NAALADL2: variants seen among roughly 807,000 people sequenced by gnomAD.
NAALADL2 encodes the protein inactive N-acetylated-alpha-linked acidic dipeptidase-like protein 2.
Under a neutral mutation model 87.2 loss-of-function variants are expected in NAALADL2, and 76 were observed. The observed-to-expected ratio is 0.87, with a 90% CI of 0.72 to 1.05. NAALADL2 has a LOEUF of 1.05. Ranked by LOEUF, NAALADL2 falls within the 50% of genes least tolerant of loss-of-function variation. The probability of loss-of-function intolerance (pLI) is 0.00; values close to 1 mark genes in which losing one functional copy is unlikely to be tolerated. For synonymous variants in NAALADL2, 354 were observed against 331.0 expected (o/e 1.07, Z -0.75); for missense variants, 1,089 against 945.8 (o/e 1.15, Z -1.99).
At chr3:175,161,321 C>G (rs1159676691) in intron 2 of NAALADL2, among the ~76,000 whole-genome samples, 2 of 147,366 alleles carry the variant, frequency 1.4e-5, no homozygotes, top group South Asian at 4.4e-4. Context: ...GACTGCAAAA[C>G]AGAAAAAAAA....
intron 4 of NAALADL2, among the ~76,000 whole-genome samples, chr3:175,316,551 C>T (rs1295168826): frequency 6.6e-6 from 1 of 152,102 alleles, no homozygotes; most frequent in Non-Finnish European, 1.5e-5. Context: ...ATTAGACCCC[C>T]ATGTAGTCAT....
At chr3:174,943,105 A>G (rs1029588807) in intron 1 of NAALADL2, among the ~76,000 whole-genome samples, 2 of 152,134 alleles carry the variant, frequency 1.3e-5, no homozygotes, top group Non-Finnish European at 2.9e-5. Flanking sequence ...GACATAGGAC[A>G]CTCAGGTTAT....
At chr3:174,833,619 T>C (rs780177024) in intron 3 of NAALADL2, among the ~76,000 whole-genome samples, 3 of 152,114 alleles carry the variant, frequency 2.0e-5, no homozygotes, top group African/African-American at 4.8e-5. Flanking sequence ...AAAACTATAC[T>C]TTTATGTATA....
intron 13 of NAALADL2, among the ~76,000 whole-genome samples, chr3:175,783,071 G>C (rs2150222904): frequency 1.3e-5 from 2 of 150,652 alleles, no homozygotes; most frequent in South Asian, 2.1e-4. Context: ...CTATATCTCT[G>C]TTTTGGTACC....
chr3:174,456,128 AAATACTTAGG>A (rs1284143683), intron 1 of NAALADL2, among the ~76,000 whole-genome samples: 13 of 152,272 alleles, frequency 8.5e-5, no homozygotes, highest in Non-Finnish European at 1.5e-5. Context: ...AAAAAGAATA[AAATACTTAGG>A]AATACAGCTA....
intron 13 of NAALADL2, among the ~76,000 whole-genome samples, chr3:175,783,744 A>ATAGGAG (rs1306760762): frequency 6.6e-6 from 1 of 151,054 alleles, no homozygotes; most frequent in Non-Finnish European, 1.5e-5. Flanking sequence ...ACTATGTTGA[A>ATAGGAG]TAGGAGTGGT....
intron 1 of NAALADL2, among the ~76,000 whole-genome samples, chr3:175,088,207 G>A (rs1282076618): frequency 6.6e-6 from 1 of 152,168 alleles, no homozygotes; most frequent in Non-Finnish European, 1.5e-5. Context: ...CTAACAGTGT[G>A]TAAGCTGAAT....
intron 5 of NAALADL2, among the ~76,000 whole-genome samples, chr3:175,416,368 G>A (rs940100979): frequency 2.6e-4 from 39 of 152,054 alleles, no homozygotes; most frequent in African/African-American, 9.4e-4. Flanking sequence ...ATTGGATATA[G>A]CAAAATTAGT....
chr3:174,731,292 A>C (rs975514012), intron 2 of NAALADL2, among the ~76,000 whole-genome samples: 2 of 152,076 alleles, frequency 1.3e-5, no homozygotes, highest in African/African-American at 4.8e-5. Flanking sequence ...CTTCTCTGCT[A>C]TATTGCTTTG....
intron 1 of NAALADL2, among the ~76,000 whole-genome samples, chr3:174,879,241 C>T (rs190189173): frequency 6.6e-6 from 1 of 152,160 alleles, no homozygotes; most frequent in African/African-American, 2.4e-5. Context: ...AACACCTTGA[C>T]TACAGACCAC....
At chr3:175,769,974 G>T (rs1323858617) in intron 13 of NAALADL2, among the ~76,000 whole-genome samples, 3 of 135,096 alleles carry the variant, frequency 2.2e-5, no homozygotes, top group Non-Finnish European at 3.1e-5. Context: ...CTTGTTCAGG[G>T]TGCCTCATGT....
At chr3:174,729,020 G>A (rs1332836394) in intron 2 of NAALADL2, among the ~76,000 whole-genome samples, 3 of 152,036 alleles carry the variant, frequency 2.0e-5, no homozygotes, top group African/African-American at 7.2e-5. Context: ...TAAAGGAAGA[G>A]CCAGGCTTCC....
At chr3:174,605,218 C>A (rs377369467) in intron 2 of NAALADL2, among the ~76,000 whole-genome samples, 1 of 152,334 alleles carries the variant, frequency 6.6e-6, no homozygotes, top group East Asian at 1.9e-4. Context: ...CTCTGGTCTA[C>A]AGCTCCCAGC....
intron 5 of NAALADL2, among the ~76,000 whole-genome samples, chr3:175,398,344 CTTTTTTT>C (rs776575751): frequency 0.063 from 7,009 of 112,010 alleles, 217 homozygotes; most frequent in Non-Finnish European, 0.081. Flanking sequence ...GCTTCTGCTA[CTTTTTTT>C]TTTTTTTTTT....
At chr3:174,557,714 T>A (rs910024319) in intron 2 of NAALADL2, among the ~76,000 whole-genome samples, 2 of 152,138 alleles carry the variant, frequency 1.3e-5, no homozygotes, top group African/African-American at 4.8e-5. Flanking sequence ...TTTTTTGTTC[T>A]TCTTTAAATG....
chr3:174,821,390 C>A (rs868504738), intron 3 of NAALADL2, among the ~76,000 whole-genome samples: 19 of 152,246 alleles, frequency 1.2e-4, no homozygotes, highest in Middle Eastern at 3.4e-3. Flanking sequence ...AGTAGATGAT[C>A]TGGTAACATT....
At position 174,673,855 on chromosome 3, in the gene NAALADL2, C is replaced by T. The variant is rs1726794679; in HGVS notation, c.-114-63786C>T. On this transcript the variant is annotated intron_variant, in intron 2 of 3. Coordinates refer to the NAALADL2 transcript ENST00000434257. ...ATAAATCCTCAAAGTGATGGATATGCTAAATACCCTTATTTGATCATTACA... is the reference window on the plus strand; with the variant it reads ...ATAAATCCTCAAAGTGATGGATATGTTAAATACCCTTATTTGATCATTACA... Among the ~76,000 whole-genome samples the T allele has an allele frequency of 3.3e-5, 5 of 152,034 alleles. No homozygotes were observed. The South Asian group carries it at 1.0e-3, about 32-fold the overall frequency.
intron 2 of NAALADL2, among the ~76,000 whole-genome samples, chr3:174,564,149 C>T (rs377565631): frequency 3.3e-5 from 5 of 152,186 alleles, no homozygotes; most frequent in East Asian, 1.9e-4. Flanking sequence ...GATTTTGGCT[C>T]AGTAGCCGGG....
intron 5 of NAALADL2, among the ~76,000 whole-genome samples, chr3:175,424,128 T>C (rs1373593848): frequency 3.3e-5 from 5 of 152,228 alleles, no homozygotes; most frequent in African/African-American, 1.2e-4. Context: ...ATTTTTTTCT[T>C]GTAAATTTGT....
Sources: allele counts gnomAD v4.1 joint callset (sites outside exome capture counted in the v4.1 genomes callset), GRCh38; gene constraint gnomAD v4.1.1; transcripts MANE v1.5; gene names NCBI Gene and HGNC (gene_info 2026-07-23, HGNC 2026-07-21).